The following DLG2 variants were observed in gnomAD, a reference collection of about 807,000 sequenced individuals.
DLG2 encodes the protein disks large homolog 2.
Under a neutral mutation model 132.5 loss-of-function variants are expected in DLG2, and 45 were observed. The ratio of observed to expected loss-of-function variants is 0.34; its 90% CI spans 0.27 to 0.44. The LOEUF (loss-of-function observed/expected upper bound fraction) is 0.44, where lower values mean the gene tolerates loss of function less well. Among genes scored for constraint, DLG2 ranks in the 20% least tolerant of loss-of-function variants. DLG2 has a pLI of 1.00. For missense variants in DLG2, 1,045 were observed against 1,196.9 expected, an observed-to-expected ratio of 0.87 and a Z score of 1.87; for synonymous variants, 424 against 419.6, an observed-to-expected ratio of 1.01 and a Z score of -0.13.
intron 4 of DLG2, among the ~76,000 whole-genome samples, chr11:85,283,272 T>TA (rs1217464358): frequency 2.6e-5 from 4 of 151,052 alleles, no homozygotes; most frequent in Middle Eastern, 3.4e-3. Context: ...ATTACTTTTT[T>TA]AAAAAAAAGA....
intron 7 of DLG2, among the ~76,000 whole-genome samples, chr11:84,367,110 C>G (rs1387822663): frequency 3.3e-5 from 5 of 152,218 alleles, no homozygotes; most frequent in Middle Eastern, 6.8e-3. Flanking sequence ...TTATAACAAA[C>G]TATCTCTCAG....
intron 7 of DLG2, among the ~76,000 whole-genome samples, chr11:84,443,563 A>C (rs1049928198): frequency 2.0e-5 from 3 of 152,204 alleles, no homozygotes; most frequent in Admixed American, 2.0e-4. Flanking sequence ...TATTCTATAT[A>C]ACACAGTGTA....
chr11:85,570,588 T>C (rs1180035689), intron 3 of DLG2, among the ~76,000 whole-genome samples: 4 of 152,256 alleles, frequency 2.6e-5, no homozygotes, highest in Middle Eastern at 3.4e-3. Flanking sequence ...TTGGGGTATA[T>C]TGAGCTTCCT....
intron 3 of DLG2, among the ~76,000 whole-genome samples, chr11:85,512,288 C>T (rs950477958): frequency 2.6e-5 from 4 of 152,010 alleles, no homozygotes; most frequent in African/African-American, 9.7e-5. Flanking sequence ...TCTCATCATT[C>T]CTTTAGCAAA....
At chr11:84,109,180 T>C (rs931120165) in intron 9 of DLG2, among the ~76,000 whole-genome samples, 10 of 152,192 alleles carry the variant, frequency 6.6e-5, no homozygotes, top group African/African-American at 1.9e-4. Flanking sequence ...TGTTAGACCT[T>C]ACAATTGCCT....
At chr11:84,817,695 A>G (rs2077221467) in intron 6 of DLG2, among the ~76,000 whole-genome samples, 2 of 152,036 alleles carry the variant, frequency 1.3e-5, no homozygotes, top group Admixed American at 1.3e-4. Flanking sequence ...TAGTGAAGGT[A>G]TAACAATGGT....
intron 3 of DLG2, among the ~76,000 whole-genome samples, chr11:85,313,041 C>T (rs2080415769): frequency 6.6e-6 from 1 of 151,896 alleles, no homozygotes; most frequent in African/African-American, 2.4e-5. Context: ...TGAATTATGG[C>T]TTTTGAGACG....
chr11:83,905,898 G>T (rs1441883280), intron 15 of DLG2, among the ~76,000 whole-genome samples: 2 of 151,994 alleles, frequency 1.3e-5, no homozygotes, highest in Non-Finnish European at 2.9e-5. Flanking sequence ...CCCCTTTAAA[G>T]AAGCAATTTT....
intron 9 of DLG2, among the ~76,000 whole-genome samples, chr11:84,130,036 G>C (rs2094350725): frequency 6.6e-6 from 1 of 151,930 alleles, no homozygotes; most frequent in African/African-American, 2.4e-5. Context: ...TTTCTCAAAA[G>C]TTCTTGCTCA....
At chr11:84,781,848 G>A (rs1330298121) in intron 6 of DLG2, among the ~76,000 whole-genome samples, 1 of 152,092 alleles carries the variant, frequency 6.6e-6, no homozygotes, top group African/African-American at 2.4e-5. Flanking sequence ...GAGATTCCAA[G>A]CCTACCCATG....
At chr11:84,086,465 T>C (rs1480194898) in intron 10 of DLG2, among the ~76,000 whole-genome samples, 1 of 149,900 alleles carries the variant, frequency 6.7e-6, no homozygotes, top group Non-Finnish European at 1.5e-5. Context: ...ATTTTCTTTC[T>C]TTCTGTTTTT....
intron 6 of DLG2, among the ~76,000 whole-genome samples, chr11:84,597,245 G>C (rs1193683613): frequency 1.3e-5 from 2 of 151,990 alleles, no homozygotes; most frequent in African/African-American, 4.8e-5. Flanking sequence ...AAAAAAAAAT[G>C]AATGAATCTC....
At chr11:84,260,368 C>A (rs1262099619) in intron 7 of DLG2, among the ~76,000 whole-genome samples, 1 of 152,146 alleles carries the variant, frequency 6.6e-6, no homozygotes, top group Non-Finnish European at 1.5e-5. Context: ...TATGAAGATT[C>A]TTCAGATCTC....
At chr11:84,204,349 A>G (rs1461702749) in intron 8 of DLG2, among the ~76,000 whole-genome samples, 3 of 152,240 alleles carry the variant, frequency 2.0e-5, no homozygotes, top group Non-Finnish European at 4.4e-5. Flanking sequence ...AATACAGTAC[A>G]ATAAATTTCT....
intron 3 of DLG2, among the ~76,000 whole-genome samples, chr11:85,407,347 C>A (rs1271416318): frequency 1.3e-5 from 2 of 151,794 alleles, no homozygotes; most frequent in Non-Finnish European, 2.9e-5. Flanking sequence ...CTTAAAATTG[C>A]TATCAATTCT....
At chr11:83,618,463 A>G (rs2061163435) in intron 19 of DLG2, among the ~76,000 whole-genome samples, 1 of 152,208 alleles carries the variant, frequency 6.6e-6, no homozygotes, top group Admixed American at 6.5e-5. Context: ...AATAGTTTGT[A>G]TAAGACGCTA....
intron 6 of DLG2, among the ~76,000 whole-genome samples, chr11:84,818,247 A>C (rs913571946): frequency 2.0e-5 from 3 of 152,030 alleles, no homozygotes; most frequent in African/African-American, 7.2e-5. Context: ...TCATCCAAGA[A>C]ATATTCTATT....
In DLG2 at chr11:85,553,198, T is replaced by C. The variant is rs550818565; in HGVS notation, c.40+45459A>G. On this transcript the variant is annotated intron_variant, in intron 3 of 27. Transcript: ENST00000376104. ...GGAGATTACATACTGGTGATAGGAA[T>C]AGAATAATATCTGCAAAAAACAAAC... is the stretch of plus-strand genomic sequence containing the variant. Among the ~76,000 whole-genome samples, 47 of 151,760 alleles carry C rather than the reference T, an allele frequency of 3.1e-4. 2 individuals carry two copies. The highest frequency in any genetic ancestry group is 9.9e-4 in the African/African-American group (41 of 41,524).
intron 15 of DLG2, among the ~76,000 whole-genome samples, chr11:83,884,386 A>G (rs1973692): frequency 0.8 from 122,368 of 152,140 alleles, 49,612 homozygotes; most frequent in East Asian, 0.91. Context: ...CAGCGAGGCT[A>G]GGGGGAGGGG....
Sources: allele counts gnomAD v4.1 joint callset (sites outside exome capture counted in the v4.1 genomes callset), GRCh38; gene constraint gnomAD v4.1.1; transcripts MANE v1.5; gene names NCBI Gene and HGNC (gene_info 2026-07-23, HGNC 2026-07-21).